Variants in CPA6 observed in about 807,000 individuals in gnomAD.
CPA6 encodes the protein carboxypeptidase B.
Under a neutral mutation model 63.3 loss-of-function variants are expected in CPA6, and 58 were observed. That is an observed-to-expected ratio of 0.92 (90% CI 0.74 to 1.14). The LOEUF (loss-of-function observed/expected upper bound fraction) is 1.14, where lower values mean the gene tolerates loss of function less well. CPA6 is among the 50% of genes most tolerant of loss of function. CPA6 has a pLI of 0.00. For synonymous variants in CPA6, 185 were observed against 179.0 expected (o/e 1.03, Z -0.27); for missense variants, 565 against 526.6 (o/e 1.07, Z -0.71).
intron 2 of CPA6, among the ~76,000 whole-genome samples, chr8:67,561,417 C>A (rs778409879): frequency 6.6e-6 from 1 of 152,116 alleles, no homozygotes; most frequent in Non-Finnish European, 1.5e-5. Context: ...TGATTGGATA[C>A]GATGAAAACA....
intron 8 of CPA6, among the ~76,000 whole-genome samples, chr8:67,442,623 G>T (rs758260646): frequency 1.3e-5 from 2 of 152,158 alleles, no homozygotes; most frequent in African/African-American, 4.8e-5. Context: ...TGGTGGATGC[G>T]CCTAGAGTGG....
intron 1 of CPA6, among the ~76,000 whole-genome samples, chr8:67,728,159 A>G (rs1297856184): frequency 6.6e-6 from 1 of 151,588 alleles, no homozygotes; most frequent in African/African-American, 2.4e-5. Flanking sequence ...AAACAAAACA[A>G]AACAAACTAT....
At chr8:67,594,224 T>C (rs965319098) in intron 2 of CPA6, among the ~76,000 whole-genome samples, 2 of 152,238 alleles carry the variant, frequency 1.3e-5, no homozygotes, top group African/African-American at 4.8e-5. Flanking sequence ...CACTCTCTTC[T>C]GGCTTGTAGA....
At chr8:67,582,957 A>T (rs973449291) in intron 2 of CPA6, among the ~76,000 whole-genome samples, 1 of 152,014 alleles carries the variant, frequency 6.6e-6, no homozygotes, top group Non-Finnish European at 1.5e-5. Flanking sequence ...TTTGGGTGGC[A>T]TGACGGTTGT....
At chr8:67,576,652 A>G (rs1488296892) in intron 2 of CPA6, among the ~76,000 whole-genome samples, 1 of 152,216 alleles carries the variant, frequency 6.6e-6, no homozygotes, top group Non-Finnish European at 1.5e-5. Context: ...TACATATCTG[A>G]TGATATGAAG....
intron 1 of CPA6, among the ~76,000 whole-genome samples, chr8:67,652,576 T>G (rs1815873784): frequency 6.6e-6 from 1 of 151,654 alleles, no homozygotes; most frequent in Non-Finnish European, 1.5e-5. Context: ...CTTTGCCCAC[T>G]TTTTGATGGG....
At chr8:67,606,105 TCTCA>T (rs1814629805) in intron 2 of CPA6, among the ~76,000 whole-genome samples, 1 of 146,324 alleles carries the variant, frequency 6.8e-6, no homozygotes, top group Admixed American at 7.1e-5. Context: ...CACCGCATGT[TCTCA>T]CTCATAGGTG....
chr8:67,478,512 A>G (rs1402344064), intron 8 of CPA6, among the ~76,000 whole-genome samples: 1 of 152,188 alleles, frequency 6.6e-6, no homozygotes, highest in Non-Finnish European at 1.5e-5. Context: ...TGAGCCTTTA[A>G]CCTGAGGAAT....
chr8:67,689,881 T>C (rs1240430374), intron 1 of CPA6, among the ~76,000 whole-genome samples: 2 of 152,220 alleles, frequency 1.3e-5, no homozygotes, highest in South Asian at 2.1e-4. Context: ...AACTAATTTA[T>C]ATTCCCACCA....
chr8:67,443,532 C>T (rs933835083), intron 8 of CPA6, among the ~76,000 whole-genome samples: 6 of 152,116 alleles, frequency 3.9e-5, no homozygotes, highest in Non-Finnish European at 7.3e-5. Context: ...TTACATACGA[C>T]TTTAAAGTGG....
chr8:67,462,256 A>AT (rs893544991), intron 8 of CPA6, among the ~76,000 whole-genome samples: 7 of 152,040 alleles, frequency 4.6e-5, no homozygotes, highest in East Asian at 1.9e-4. Context: ...AAATAGCAGT[A>AT]TTTTTTTACA....
intron 2 of CPA6, among the ~76,000 whole-genome samples, chr8:67,543,128 G>A (rs1362733361): frequency 4.6e-5 from 7 of 152,302 alleles, no homozygotes; most frequent in Admixed American, 4.6e-4. Context: ...TTTCTCAAAA[G>A]CCCTGCTATT....
chr8:67,444,031 G>A (rs1462227448), intron 8 of CPA6, among the ~76,000 whole-genome samples: 5 of 146,922 alleles, frequency 3.4e-5, no homozygotes, highest in African/African-American at 1.3e-4. Context: ...TCGCTCTGTC[G>A]CCCAGGCTGG....
At chr8:67,742,767 G>A (rs892010382) in intron 1 of CPA6, among the ~76,000 whole-genome samples, 2 of 152,144 alleles carry the variant, frequency 1.3e-5, no homozygotes, top group South Asian at 4.1e-4. Context: ...AAATGTGGGA[G>A]AGCAAAAACT....
At chr8:67,503,293 C>T (rs1811864504) in intron 6 of CPA6, among the ~76,000 whole-genome samples, 1 of 151,028 alleles carries the variant, frequency 6.6e-6, no homozygotes, top group Non-Finnish European at 1.5e-5. Context: ...CCTGCCTAGG[C>T]CTCCCAGAGT....
chr8:67,480,828 C>T (rs1811342552), intron 8 of CPA6, among the ~76,000 whole-genome samples: 2 of 152,178 alleles, frequency 1.3e-5, no homozygotes, highest in Admixed American at 1.3e-4. Context: ...CTCACCAACA[C>T]ATGTTATTGT....
chr8:67,730,339 G>C (rs1243770073), intron 1 of CPA6, among the ~76,000 whole-genome samples: 1 of 152,204 alleles, frequency 6.6e-6, no homozygotes, highest in Admixed American at 6.5e-5. Context: ...TGGAAGAGAG[G>C]CATAGGGCAA....
intron 5 of CPA6, 93 bp from the exon 6 acceptor site, chr8:67,506,981 A>G (rs183445136): frequency 6.7e-4 from 606 of 901,580 alleles, no homozygotes; most frequent in Non-Finnish European, 4.3e-4. Context: ...TCTTCACTGT[A>G]GTGTGGTTCA....
intron 1 of CPA6, among the ~76,000 whole-genome samples, chr8:67,662,046 T>C (rs778921076): frequency 6.6e-6 from 1 of 152,172 alleles, no homozygotes; most frequent in Non-Finnish European, 1.5e-5. Context: ...TGTTCCTTCA[T>C]CCATTCACCA....
Sources: gnomAD v4.1 joint callset for allele counts (sites outside exome capture counted in the v4.1 genomes callset) on GRCh38, gnomAD v4.1.1 for gene constraint, MANE v1.5 for transcripts, NCBI Gene and HGNC (gene_info 2026-07-23, HGNC 2026-07-21) for gene names.